Variants in TMEM178A observed in about 807,000 individuals in gnomAD.
TMEM178A encodes transmembrane protein 178A.
In TMEM178A, 12 loss-of-function variants were observed where a neutral mutation model predicts 29.1. That is an observed-to-expected ratio of 0.41 (90% CI 0.26 to 0.67). The LOEUF is 0.67. Among genes scored for constraint, TMEM178A ranks in the 30% least tolerant of loss-of-function variants. The pLI is 0.29. For missense variants in TMEM178A, 366 were observed against 419.1 expected (o/e 0.87, Z 1.11); for synonymous variants, 210 against 187.2 (o/e 1.12, Z -0.99).
chr2:39,675,441 A>G (rs1670577191), intron 1 of TMEM178A, among the ~76,000 whole-genome samples: 1 of 152,178 alleles, frequency 6.6e-6, no homozygotes, highest in Non-Finnish European at 1.5e-5. Context: ...TACAAATGTG[A>G]CAGTTACTGA....
the TMEM178A span, among the ~76,000 whole-genome samples, chr2:39,735,131 C>T: frequency 3.9e-5 from 6 of 152,150 alleles, no homozygotes; most frequent in Non-Finnish European, 1.5e-5. Flanking sequence ...AAAGCTAAAG[C>T]CCTTAAAATA....
chr2:39,719,368 C>T (rs537922787), downstream of TMEM178A, among the ~76,000 whole-genome samples: 5 of 152,264 alleles, frequency 3.3e-5, no homozygotes, highest in African/African-American at 4.8e-5. Flanking sequence ...GAAAGCCTCG[C>T]GGTAGCAGGA....
intron 3 of TMEM178A, among the ~76,000 whole-genome samples, chr2:39,712,580 G>T (rs1672357192): frequency 6.6e-6 from 1 of 152,062 alleles, no homozygotes. Flanking sequence ...TTGCATGCAG[G>T]GCTTGTCAGG....
chr2:39,674,461 C>T (rs1670530372), intron 1 of TMEM178A, among the ~76,000 whole-genome samples: 1 of 152,140 alleles, frequency 6.6e-6, no homozygotes. Context: ...GGGAGCTAAG[C>T]TATGAGGACT....
At chr2:39,716,521 A>G (rs907085219) in intron 3 of TMEM178A, among the ~76,000 whole-genome samples, 3 of 152,374 alleles carry the variant, frequency 2.0e-5, no homozygotes, top group South Asian at 4.1e-4. Flanking sequence ...ATATTATTTA[A>G]GGCAACATGA....
intron 1 of TMEM178A, among the ~76,000 whole-genome samples, chr2:39,701,376 C>T (rs374514704): frequency 3.0e-4 from 45 of 152,072 alleles, no homozygotes; most frequent in Admixed American, 1.6e-3. Context: ...CATCCTATTC[C>T]GTTCTGGCCT....
intron 1 of TMEM178A, among the ~76,000 whole-genome samples, chr2:39,688,092 G>T (rs1239002298): frequency 6.6e-6 from 1 of 152,214 alleles, no homozygotes; most frequent in African/African-American, 2.4e-5. Flanking sequence ...GTTATTATCA[G>T]TCCTGTTTAA....
chr2:39,674,379 T>C (rs536948305), intron 1 of TMEM178A, among the ~76,000 whole-genome samples: 110 of 152,316 alleles, frequency 7.2e-4, no homozygotes, highest in South Asian at 3.1e-3. Flanking sequence ...CTGGATGAGA[T>C]TGGAGACTAT....
At chr2:39,720,621 A>G (rs72936053), downstream of TMEM178A, among the ~76,000 whole-genome samples, 4,786 of 152,308 alleles carry the variant, frequency 0.031, 244 homozygotes, top group African/African-American at 0.11. Context: ...TAACCAGATC[A>G]TAGACTCTTT....
chr2:39,684,806 G>T (rs1381363586), intron 1 of TMEM178A, among the ~76,000 whole-genome samples: 1 of 151,974 alleles, frequency 6.6e-6, no homozygotes, highest in African/African-American at 2.4e-5. Context: ...CCTCCTGTCA[G>T]TTCCTATAAA....
chr2:39,705,412 A>G (rs1426839335), intron 2 of TMEM178A, among the ~76,000 whole-genome samples: 1 of 152,186 alleles, frequency 6.6e-6, no homozygotes, highest in Non-Finnish European at 1.5e-5. Flanking sequence ...TATCACTCAA[A>G]CCATAGGAAA....
intron 1 of TMEM178A, among the ~76,000 whole-genome samples, chr2:39,703,609 G>T (rs1350507890): frequency 1.3e-5 from 2 of 152,198 alleles, no homozygotes; most frequent in Non-Finnish European, 2.9e-5. Flanking sequence ...TTTGTCTGGA[G>T]ATATAATCAC....
the TMEM178A span, among the ~76,000 whole-genome samples, chr2:39,726,171 C>T: frequency 2.6e-5 from 4 of 152,038 alleles, no homozygotes; most frequent in East Asian, 5.8e-4. Context: ...AGGGCTTGTG[C>T]AGTAGGTGGT....
intron 1 of TMEM178A, among the ~76,000 whole-genome samples, chr2:39,675,103 A>T (rs190381423): frequency 1.7e-4 from 26 of 152,330 alleles, no homozygotes; most frequent in Middle Eastern, 3.4e-3. Context: ...GGATGCTATT[A>T]TCAGCATAAT....
intron 1 of TMEM178A, among the ~76,000 whole-genome samples, chr2:39,666,637 C>G (rs1019099882): frequency 6.6e-6 from 1 of 152,192 alleles, no homozygotes; most frequent in Non-Finnish European, 1.5e-5. Context: ...CCGCCTCTGT[C>G]TCCTTCTTTC....
downstream of TMEM178A, among the ~76,000 whole-genome samples, chr2:39,721,978 C>T (rs1672714561): frequency 1.0e-5 from 1 of 97,692 alleles, no homozygotes; most frequent in Non-Finnish European, 1.8e-5. Flanking sequence ...CAGAGTGAGA[C>T]CAGTCTCAAA....
At chr2:39,714,210 A>G (rs1460337033) in intron 3 of TMEM178A, among the ~76,000 whole-genome samples, 1 of 152,144 alleles carries the variant, frequency 6.6e-6, no homozygotes, top group Non-Finnish European at 1.5e-5. Context: ...AGGGCAAGCT[A>G]TAGGGGCATT....
In TMEM178A at chr2:39,708,697, G is replaced by A. The variant is rs561836334; in HGVS notation, c.652+1511G>A. 1.1e-3 allele frequency among the ~76,000 whole-genome samples: 175 copies of A among 152,188 alleles called. 2 individuals carry two copies. Among genetic ancestry groups the A allele is most frequent in the African/African-American group, 3.9e-3 (160 of 41,522 alleles). On this transcript the variant is annotated intron_variant, in intron 3 of 3. Transcript: ENST00000281961. ...CTCCCAAAGTGCTGGGATTACAGGC[G>A]TGAGCCACCGCGCCCGGCCGATTTT... is the stretch of plus-strand genomic sequence containing the variant.
At chr2:39,673,652 T>G (rs1218546967) in intron 1 of TMEM178A, among the ~76,000 whole-genome samples, 3 of 152,182 alleles carry the variant, frequency 2.0e-5, no homozygotes, top group Non-Finnish European at 4.4e-5. Flanking sequence ...TTACAACAGG[T>G]CACTCAAATG....
Sources: gnomAD v4.1 joint callset for allele counts (sites outside exome capture counted in the v4.1 genomes callset) on GRCh38, gnomAD v4.1.1 for gene constraint, MANE v1.5 for transcripts, NCBI Gene and HGNC (gene_info 2026-07-23, HGNC 2026-07-21) for gene names.